Variants in NIBAN2 observed in about 807,000 individuals in gnomAD.
NIBAN2 encodes the protein protein Niban 2.
A neutral mutation model predicts 81.8 loss-of-function variants in NIBAN2; 36 were observed. The observed-to-expected ratio is 0.44, with a 90% CI of 0.34 to 0.58. The LOEUF (loss-of-function observed/expected upper bound fraction) is 0.58, where lower values mean the gene tolerates loss of function less well. Ranked by LOEUF, NIBAN2 falls within the 20% of genes least tolerant of loss-of-function variation. NIBAN2 has a pLI of 0.02. For synonymous variants in NIBAN2, 445 were observed against 441.6 expected (o/e 1.01, Z -0.10); for missense variants, 897 against 1,014.1 (o/e 0.88, Z 1.57).
chr9:127,568,832 G>A lies in NIBAN2; in HGVS notation c.43C>T (p.Gln15Ter). ...GCGCGACCCTCACCTGCGATGTGCTGGCGCCGGGCGTCGTCCAGGTGCGTG... is the reference window on the plus strand; with the variant it reads ...GCGCGACCCTCACCTGCGATGTGCTAGCGCCGGGCGTCGTCCAGGTGCGTG... ...LSTHLDDARR[Q>*]HIAEKTGKIL... Residue 15 changes from glutamine (Q) to a stop codon, truncating the protein, a stop_gained, in exon 1 of 14, where the codon CAG becomes TAG. Transcript: ENST00000373312. LOFTEE classifies it high-confidence loss of function. The A allele has an allele frequency of 7.3e-7, 1 of 1,369,488 alleles. No homozygotes were observed. The highest frequency in any genetic ancestry group is 9.5e-7 in the Non-Finnish European group (1 of 1,056,420). The allele number at this position is 1,369,488 out of a possible 1,614,324, so 84.8% of individuals were successfully genotyped here.
At chr9:127,571,216 C>CCCCTGGCCCAGGGACGGGTTCCT (rs144786523), upstream of NIBAN2, among the ~76,000 whole-genome samples, 2,285 of 150,974 alleles carry the variant, frequency 0.015, 69 homozygotes, top group African/African-American at 0.052. Context: ...CCATGTGAGG[C>CCCCTGGCCCAGGGACGGGTTCCT]CCCTGGCCCA....
Position 127,527,361 on chromosome 9 carries a change from G to T in NIBAN2, c.187-39C>A, listed in dbSNP as rs530237143. The T allele has an allele frequency of 8.9e-6, 14 of 1,566,498 alleles. No individual in the cohort carries two copies. In the Middle Eastern group the frequency reaches 5.2e-4, roughly 58 times the overall value. ...CGGGTGGGGAGTGAGGCCCAGGTCT[G>T]GGGGGGTGGTGCTCCCCATGAAGCT... On this transcript the variant is annotated intron_variant, in intron 2 of 13. Transcript: ENST00000373312.
rs746952339 is a variant in NIBAN2, at chr9:127,527,221, G to A, written c.288C>T (p.Tyr96=). 3.6e-5 allele frequency: 58 copies of A among 1,613,760 alleles called. No homozygotes were observed. In the Middle Eastern group the frequency reaches 6.6e-4, roughly 18 times the overall value. The change falls in exon 3 of 14, where the codon TAC becomes TAT. Residue 96 remains tyrosine (Y), a synonymous_variant. Coordinates refer to ENST00000373312, the MANE Select transcript of NIBAN2 (RefSeq NM_022833.4). ...CTTTGTTTTCGTAGAGCACCAGCCC[G>A]TAGTTGTGGGGCACGAGGCTGAAGC... The part of the protein sequence containing the change: ...RNRFSLVPHN[Y]GLVLYENKAA...
rs374739971 is a variant in NIBAN2 at position 127,507,101 on chromosome 9, C to A, written c.1985G>T (p.Arg662Leu). 6.3e-7 allele frequency: 1 copy of A among 1,581,318 alleles called. No homozygotes were observed. The highest frequency in any genetic ancestry group is 1.8e-5 in the Admixed American group (1 of 54,204). The change falls in exon 14 of 14, where the codon CGG (arginine) becomes CTG (leucine). Residue 662 changes from arginine (R) to leucine (L), a missense_variant. By Grantham distance (102) the Arg-to-Leu change is moderately radical. This residue lies in a region of NIBAN2 where 619 missense variants were observed against 691.0 expected (regional missense o/e 0.90). Transcript: ENST00000373312. The surrounding 1 kb of genome is among the most constrained non-coding windows in gnomAD (Gnocchi z 6.8). The part of the protein sequence containing the change: ...EIRGLLAQGL[R>L]PESPPPAGPL... ...GCCGGCTGGTGGGGGGCTCTCAGGC[C>A]GCAGACCTTGGGCCAGCAGGCCTCG...
In NIBAN2 at chr9:127,507,498, T is replaced by C. The variant is rs746943461; in HGVS notation, c.1655-67A>G. ...CCACAGCCGCCCCTGTGCTGGACTC[T>C]GCTCAAAGAAGACCCGTCTCATCCC... On this transcript the variant is annotated intron_variant, in intron 13 of 13. Coordinates refer to ENST00000373312, the MANE Select transcript of NIBAN2 (RefSeq NM_022833.4). The surrounding 1 kb of genome is among the most constrained non-coding windows in gnomAD (Gnocchi z 6.8). 32 of 1,342,932 alleles carry C rather than the reference T, an allele frequency of 2.4e-5. No individual in the cohort carries two copies. The highest frequency in any genetic ancestry group is 2.9e-5 in the African/African-American group (2 of 68,002). 83.2% of individuals were successfully genotyped at this position (1,342,932 alleles called of 1,614,324 possible). A position where few individuals can be genotyped will look rare whatever the true frequency, so the allele number is the denominator to read the frequency against.
chr9:127,515,271 A>G (rs1299256273), intron 8 of NIBAN2, among the ~76,000 whole-genome samples: 1 of 152,094 alleles, frequency 6.6e-6, no homozygotes, highest in Non-Finnish European at 1.5e-5. Flanking sequence ...CTATAATCCC[A>G]GCATTTTGGG....
chr9:127,568,824 G>T lies in NIBAN2; in HGVS notation c.51C>A (p.Ile17=). 1 of 1,365,904 alleles carries T rather than the reference G, an allele frequency of 7.3e-7. No homozygotes were observed. The allele number at this position is 1,365,904 out of a possible 1,614,324, so 84.6% of individuals were successfully genotyped here. The change falls in exon 1 of 14, where the codon ATC becomes ATA. Residue 17 remains isoleucine (I), a synonymous_variant. Transcript: ENST00000373312. The part of the protein sequence containing the change: ...THLDDARRQH[I]AEKTGKILTE... ...GTGGCGCGGCGCGACCCTCACCTGC[G>T]ATGTGCTGGCGCCGGGCGTCGTCCA...
At chr9:127,558,025 C>A (rs1452501194) in intron 1 of NIBAN2, among the ~76,000 whole-genome samples, 1 of 150,602 alleles carries the variant, frequency 6.6e-6, no homozygotes, top group Non-Finnish European at 1.5e-5. Context: ...CAGCCCCTAC[C>A]TCCTTGGAAG....
intron 2 of NIBAN2, among the ~76,000 whole-genome samples, chr9:127,527,804 G>T (rs1397877214): frequency 6.6e-6 from 1 of 152,218 alleles, no homozygotes; most frequent in African/African-American, 2.4e-5. Context: ...CCAGCTCTAG[G>T]CTTCTGTTTC....
intron 3 of NIBAN2, 43 bp downstream of exon 3, chr9:127,527,151 G>T: frequency 6.2e-7 from 1 of 1,605,140 alleles, no homozygotes. Context: ...CACACATGGA[G>T]AAAGCGGGGA....
At chr9:127,564,955 T>G (rs559988559) in intron 1 of NIBAN2, among the ~76,000 whole-genome samples, 1 of 152,266 alleles carries the variant, frequency 6.6e-6, no homozygotes, top group South Asian at 2.1e-4. Context: ...ACACCACACT[T>G]AAGTGACTTC....
chr9:127,534,956 G>A (rs866898800), intron 1 of NIBAN2, among the ~76,000 whole-genome samples: 2 of 152,162 alleles, frequency 1.3e-5, no homozygotes, highest in African/African-American at 2.4e-5. Flanking sequence ...CCCGTGCTAC[G>A]GCAGGTTTTA....
At chr9:127,572,212 C>T (rs763587194), upstream of NIBAN2, among the ~76,000 whole-genome samples, 6 of 152,062 alleles carry the variant, frequency 3.9e-5, no homozygotes, top group Non-Finnish European at 8.8e-5. Context: ...TGGGATCTCA[C>T]CATGCTGCCC....
intron 1 of NIBAN2, among the ~76,000 whole-genome samples, chr9:127,542,704 A>G (rs1350651323): frequency 6.6e-6 from 1 of 151,694 alleles, no homozygotes; most frequent in East Asian, 1.9e-4. Context: ...TGGCTGCGTC[A>G]CTCTTCCCTG....
At chr9:127,522,725 C>T (rs1836966986) in intron 5 of NIBAN2, among the ~76,000 whole-genome samples, 1 of 151,932 alleles carries the variant, frequency 6.6e-6, no homozygotes, top group Non-Finnish European at 1.5e-5. Context: ...CTCCTCTATG[C>T]AGGATATGAG....
intron 1 of NIBAN2, among the ~76,000 whole-genome samples, chr9:127,543,309 C>G (rs1292781797): frequency 6.6e-6 from 1 of 152,184 alleles, no homozygotes; most frequent in East Asian, 1.9e-4. Flanking sequence ...TAGACCCGGA[C>G]AACAGCTGCA....
At chr9:127,573,562 C>G (rs1156456414), upstream of NIBAN2, among the ~76,000 whole-genome samples, 1 of 152,030 alleles carries the variant, frequency 6.6e-6, no homozygotes, top group African/African-American at 2.4e-5. Flanking sequence ...AACCCCTGCC[C>G]TCACGCTGGA....
In NIBAN2 at chr9:127,508,311, G is replaced by T; in HGVS notation, c.1434+111C>A. 7.6e-7 allele frequency: 1 copy of T among 1,316,938 alleles called. No individual in the cohort carries two copies. The allele number at this position is 1,316,938 out of a possible 1,614,324, so 81.6% of individuals were successfully genotyped here. On this transcript the variant is annotated intron_variant, in intron 11 of 13. Coordinates refer to ENST00000373312, the MANE Select transcript of NIBAN2 (RefSeq NM_022833.4). The surrounding 1 kb of genome is among the most constrained non-coding windows in gnomAD (Gnocchi z 6.4). ...AGCCTCCGAGTCCTCATCCGCACAA[G>T]AGGACCATGGCGCCTCCTTGCAGGG...
upstream of NIBAN2, among the ~76,000 whole-genome samples, chr9:127,569,810 A>T (rs575373648): frequency 5.3e-5 from 8 of 152,366 alleles, no homozygotes; most frequent in East Asian, 1.5e-3. Context: ...GCATATGGGC[A>T]TTTCACTCGG....
Sources: gnomAD v4.1 joint callset for allele counts (sites outside exome capture counted in the v4.1 genomes callset) on GRCh38, gnomAD v4.1.1 for gene constraint, gnomAD v4.1.1 regional missense constraint, Gnocchi (gnomAD v3.1) non-coding constraint, MANE v1.5 for transcripts, NCBI Gene and HGNC (gene_info 2026-07-23, HGNC 2026-07-21) for gene names.